The following HABP4 variants were observed in gnomAD, a reference collection of about 807,000 sequenced individuals.
HABP4 encodes hyaluronan binding protein 4.
HABP4 carries 32 observed loss-of-function variants against 44.1 expected under a neutral mutation model. The observed-to-expected ratio is 0.73, with a 90% CI of 0.55 to 0.97. HABP4 has a LOEUF of 0.97. Ranked by LOEUF, HABP4 falls within the 50% of genes least tolerant of loss-of-function variation. The probability of loss-of-function intolerance (pLI) is 0.00; values close to 1 mark genes in which losing one functional copy is unlikely to be tolerated. For synonymous variants in HABP4, 216 were observed against 218.0 expected, an observed-to-expected ratio of 0.99 and a Z score of 0.08; for missense variants, 503 against 561.9, an observed-to-expected ratio of 0.90 and a Z score of 1.06.
intron 1 of HABP4, among the ~76,000 whole-genome samples, chr9:96,456,780 AATATATATATATATATATATATATAT>A (rs71368267): frequency 6.7e-5 from 3 of 44,772 alleles, no homozygotes; most frequent in Middle Eastern, 0.026. Context: ...AAAAAAAAAA[AATATATATATATATATATATATATAT>A]ATATATATAT....
intron 6 of HABP4, among the ~76,000 whole-genome samples, chr9:96,486,570 G>T (rs886497477): frequency 1.4e-5 from 2 of 147,704 alleles, no homozygotes; most frequent in Non-Finnish European, 3.1e-5. Flanking sequence ...CAGAATATTT[G>T]AAGCAAGTGG....
intron 1 of HABP4, among the ~76,000 whole-genome samples, chr9:96,453,344 G>T (rs1036393078): frequency 3.9e-5 from 6 of 151,966 alleles, no homozygotes; most frequent in South Asian, 2.1e-4. Flanking sequence ...AAAGTGCTGG[G>T]ATTACAGGTG....
chr9:96,489,921 C>T lies in HABP4; in HGVS notation c.1186-61C>T, dbSNP rs190257474. 644 of 1,026,514 alleles carry T rather than the reference C, an allele frequency of 6.3e-4. 2 individuals carry two copies. Among genetic ancestry groups the T allele is most frequent in the Non-Finnish European group, 3.7e-4 (235 of 643,108 alleles). 63.6% of individuals were successfully genotyped at this position (1,026,514 alleles called of 1,614,324 possible). ...TTGGTGCCAGGCCCTTGTTATCCCA[C>T]TGGGATATCGGGAATGGATGAAGGG... On this transcript the variant is annotated intron_variant, in intron 7 of 7. Transcript: ENST00000375249.
At chr9:96,464,670 G>T (rs1564161919) in intron 2 of HABP4, among the ~76,000 whole-genome samples, 1 of 152,212 alleles carries the variant, frequency 6.6e-6, no homozygotes, top group Non-Finnish European at 1.5e-5. Context: ...TGGTGGCCAG[G>T]AGTGTCATAT....
chr9:96,456,773 AAAAAAAAATATATATATATATAT>A (rs1832390561), intron 1 of HABP4, among the ~76,000 whole-genome samples: 3 of 69,310 alleles, frequency 4.3e-5, no homozygotes, highest in South Asian at 5.5e-4. Flanking sequence ...AAAAAAAAAA[AAAAAAAAATATATATATATATAT>A]ATATATATAT....
intron 2 of HABP4, among the ~76,000 whole-genome samples, chr9:96,459,796 T>C (rs1832468248): frequency 1.3e-5 from 2 of 152,206 alleles, no homozygotes; most frequent in Non-Finnish European, 2.9e-5. Context: ...CTGGGTGGGC[T>C]GAGCAGGTGA....
intron 5 of HABP4, among the ~76,000 whole-genome samples, chr9:96,475,139 G>T (rs1832762027): frequency 6.6e-6 from 1 of 152,156 alleles, no homozygotes; most frequent in South Asian, 2.1e-4. Flanking sequence ...CACTTTGGGA[G>T]GCCGAGGTGG....
At chr9:96,473,911 C>T (rs1205105399) in intron 5 of HABP4, among the ~76,000 whole-genome samples, 3 of 152,230 alleles carry the variant, frequency 2.0e-5, no homozygotes, top group Admixed American at 2.0e-4. Context: ...AATCCCAGCT[C>T]TGCCACTTAC....
chr9:96,462,268 G>C (rs1054917562), intron 2 of HABP4, among the ~76,000 whole-genome samples: 1 of 151,684 alleles, frequency 6.6e-6, no homozygotes, highest in Non-Finnish European at 1.5e-5. Context: ...CCTGGCCAAC[G>C]TGGTGAAACC....
chr9:96,472,112 GC>G (rs1832708079), intron 5 of HABP4, among the ~76,000 whole-genome samples: 1 of 151,928 alleles, frequency 6.6e-6, no homozygotes, highest in Admixed American at 6.6e-5. Context: ...ATACCCATGC[GC>G]CTTCAACTCT....
intron 4 of HABP4, among the ~76,000 whole-genome samples, chr9:96,470,526 G>A (rs1832675187): frequency 6.6e-6 from 1 of 152,094 alleles, no homozygotes. Flanking sequence ...TTGGAGTTGA[G>A]AATTTAATAC....
In HABP4 at chr9:96,453,341, T is replaced by C. The variant is rs1235777219; in HGVS notation, c.349+2713T>C. On this transcript the variant is annotated intron_variant, in intron 1 of 7. Coordinates refer to ENST00000375249, the MANE Select transcript of HABP4 (RefSeq NM_014282.4). ...TGCTTGCCTTGGCCTCCCAAAGTGCTGGGATTACAGGTGTGAGCTACTGTG... is the reference window on the plus strand; with the variant it reads ...TGCTTGCCTTGGCCTCCCAAAGTGCCGGGATTACAGGTGTGAGCTACTGTG... 3.9e-5 allele frequency among the ~76,000 whole-genome samples: 6 copies of C among 152,184 alleles called. No homozygotes were observed. In the East Asian group the frequency reaches 1.2e-3, roughly 29 times the overall value.
chr9:96,450,642 G>T lies in HABP4; in HGVS notation c.349+14G>T. 1 of 1,261,030 alleles carries T rather than the reference G, an allele frequency of 7.9e-7. No homozygotes were observed. Among genetic ancestry groups the T allele is most frequent in the Non-Finnish European group, 1.0e-6 (1 of 1,002,902 alleles). The allele number at this position is 1,261,030 out of a possible 1,614,324, so 78.1% of individuals were successfully genotyped here. On this transcript the variant is annotated intron_variant, in intron 1 of 7. Coordinates refer to ENST00000375249, the MANE Select transcript of HABP4 (RefSeq NM_014282.4). The surrounding 1 kb of genome is among the most constrained non-coding windows in gnomAD (Gnocchi z 4.8). ...TGCAGGCGCCGGGTACGCGGGGACA[G>T]CGGGGTTAGCGGACCACGGCTCGGC...
In HABP4 at chr9:96,465,779, G is replaced by C. The variant is rs754458712; in HGVS notation, c.743+1G>C. 1.3e-6 allele frequency: 2 copies of C among 1,536,354 alleles called. No individual in the cohort carries two copies. On this transcript the variant is annotated splice_donor_variant, in intron 4 of 7. Transcript: ENST00000375249. LOFTEE classifies it high-confidence loss of function. ...CCTGGGGATCGGGTAAAGATACCAG[G>C]TACGGTGTAAGTGTGTGCCCTCTGA...
chr9:96,490,133 G>A lies in HABP4; in HGVS notation c.*95G>A. On this transcript the variant is annotated 3_prime_UTR_variant, in exon 8 of 8. Coordinates refer to ENST00000375249, the MANE Select transcript of HABP4 (RefSeq NM_014282.4). Reference sequence around the variant, plus strand: ...AGGGAGTCAGACTCTAAGAACAATAGATGTTGCTTTTCCCGTGTCATGTAA... The same window carrying A: ...AGGGAGTCAGACTCTAAGAACAATAAATGTTGCTTTTCCCGTGTCATGTAA... The A allele has an allele frequency of 1.3e-6, 1 of 790,972 alleles. No homozygotes were observed. The highest frequency in any genetic ancestry group is 1.4e-5 in the South Asian group (1 of 69,990). 49.0% of individuals were successfully genotyped at this position (790,972 alleles called of 1,614,324 possible).
chr9:96,452,887 C>CTT (rs1832309582), intron 1 of HABP4, among the ~76,000 whole-genome samples: 1 of 143,176 alleles, frequency 7.0e-6, no homozygotes, highest in African/African-American at 2.6e-5. Context: ...ATGTGGAAGT[C>CTT]ACAAGCTTTT....
intron 2 of HABP4, among the ~76,000 whole-genome samples, chr9:96,459,100 G>A (rs975072741): frequency 2.6e-5 from 4 of 152,292 alleles, no homozygotes; most frequent in Non-Finnish European, 4.4e-5. Flanking sequence ...TGAATTGCTT[G>A]TTGGTAACTG....
At chr9:96,463,313 G>A (rs1210526551) in intron 2 of HABP4, among the ~76,000 whole-genome samples, 2 of 152,068 alleles carry the variant, frequency 1.3e-5, no homozygotes, top group Non-Finnish European at 2.9e-5. Flanking sequence ...GGAGTGCAGT[G>A]GTGCCATCTC....
chr9:96,478,389 C>T (rs1200453174), intron 5 of HABP4, among the ~76,000 whole-genome samples: 1 of 152,124 alleles, frequency 6.6e-6, no homozygotes, highest in Non-Finnish European at 1.5e-5. Context: ...CCTCGGCCTC[C>T]CAAAGTGCTG....
Sources: allele counts gnomAD v4.1 joint callset (sites outside exome capture counted in the v4.1 genomes callset), GRCh38; gene constraint gnomAD v4.1.1; non-coding constraint Gnocchi (gnomAD v3.1); transcripts MANE v1.5; gene names NCBI Gene and HGNC (gene_info 2026-07-23, HGNC 2026-07-21).